VOPP1: variants seen among roughly 807,000 people sequenced by gnomAD.
VOPP1 encodes the protein WW domain binding protein VOPP1.
VOPP1 carries 8 observed loss-of-function variants against 23.5 expected under a neutral mutation model. The ratio of observed to expected loss-of-function variants is 0.34; its 90% CI spans 0.20 to 0.61. The LOEUF (loss-of-function observed/expected upper bound fraction) is 0.61. Ranked by LOEUF, VOPP1 falls within the 20% of genes least tolerant of loss-of-function variation. The pLI, the probability that VOPP1 is intolerant of heterozygous loss-of-function variation, is 0.78. For synonymous variants in VOPP1, 83 were observed against 97.3 expected (o/e 0.85, Z 0.86); for missense variants, 174 against 238.1 (o/e 0.73, Z 1.77).
chr7:55,533,703 G>C (rs1270667070), intron 1 of VOPP1, among the ~76,000 whole-genome samples: 1 of 152,190 alleles, frequency 6.6e-6, no homozygotes, highest in Admixed American at 6.5e-5. Flanking sequence ...AGGGAGACTA[G>C]CAAGGGAGGC....
intron 1 of VOPP1, among the ~76,000 whole-genome samples, chr7:55,554,597 G>A (rs1797739968): frequency 6.6e-6 from 1 of 152,190 alleles, no homozygotes; most frequent in Non-Finnish European, 1.5e-5. Flanking sequence ...AGGATGTAGG[G>A]ATGGTGAGGT....
chr7:55,454,234 C>T, intron 4 of VOPP1, among the ~76,000 whole-genome samples: 1 of 152,128 alleles, frequency 6.6e-6, no homozygotes, highest in East Asian at 1.9e-4. Context: ...ATACACCCTC[C>T]CAAGACTAAA....
chr7:55,509,221 C>A (rs1005780731), intron 2 of VOPP1, among the ~76,000 whole-genome samples: 1 of 152,160 alleles, frequency 6.6e-6, no homozygotes, highest in African/African-American at 2.4e-5. Flanking sequence ...ACTTTCTCAG[C>A]TCTATTTTTA....
At chr7:55,497,746 G>A in intron 2 of VOPP1, 56 bp from the exon 3 acceptor site, 11 of 1,507,708 alleles carry the variant, frequency 7.3e-6, no homozygotes, top group Non-Finnish European at 1.0e-5. Context: ...CACCGGACCA[G>A]CCATGCGGCC....
chr7:55,553,464 T>C (rs1328729995), intron 1 of VOPP1, among the ~76,000 whole-genome samples: 5 of 152,166 alleles, frequency 3.3e-5, no homozygotes, highest in Admixed American at 6.5e-5. Flanking sequence ...TAAACTCCAA[T>C]TCATTTACCA....
intron 4 of VOPP1, among the ~76,000 whole-genome samples, chr7:55,486,484 G>T (rs144600634): frequency 4.6e-5 from 7 of 152,152 alleles, no homozygotes; most frequent in African/African-American, 7.2e-5. Context: ...GAGAAGTGCC[G>T]CGTAAGAATA....
chr7:55,541,207 T>C (rs1334891121), intron 1 of VOPP1, among the ~76,000 whole-genome samples: 1 of 152,234 alleles, frequency 6.6e-6, no homozygotes, highest in Non-Finnish European at 1.5e-5. Flanking sequence ...TCTGTGAATA[T>C]ATGAAAAACT....
intron 1 of VOPP1, among the ~76,000 whole-genome samples, chr7:55,559,706 CCA>C (rs1797920703): frequency 6.6e-6 from 1 of 152,182 alleles, no homozygotes; most frequent in Non-Finnish European, 1.5e-5. Flanking sequence ...CTGAGTCATT[CCA>C]CCAAGAACTC....
downstream of VOPP1, among the ~76,000 whole-genome samples, chr7:55,470,429 C>A (rs1360241478): frequency 6.6e-6 from 1 of 152,106 alleles, no homozygotes; most frequent in African/African-American, 2.4e-5. Flanking sequence ...CCACTGGGGA[C>A]AATTGTCTCC....
chr7:55,510,072 G>A (rs1431353120), intron 2 of VOPP1, among the ~76,000 whole-genome samples: 1 of 152,162 alleles, frequency 6.6e-6, no homozygotes, highest in Non-Finnish European at 1.5e-5. Context: ...AGATGAACTG[G>A]GGAGGAAGAG....
chr7:55,451,264 TAA>T (rs1478224407), intron 4 of VOPP1, among the ~76,000 whole-genome samples: 1 of 152,070 alleles, frequency 6.6e-6, no homozygotes, highest in Non-Finnish European at 1.5e-5. Context: ...AACATTACAA[TAA>T]AAAGTTATGG....
At chr7:55,524,477 A>T (rs1021854513) in intron 1 of VOPP1, among the ~76,000 whole-genome samples, 2 of 152,204 alleles carry the variant, frequency 1.3e-5, no homozygotes, top group African/African-American at 2.4e-5. Flanking sequence ...GGACTTTTGT[A>T]GCAGCTTTCT....
intron 3 of VOPP1, among the ~76,000 whole-genome samples, chr7:55,495,377 T>C (rs207467913): frequency 6.6e-6 from 1 of 152,262 alleles, no homozygotes; most frequent in Non-Finnish European, 1.5e-5. Flanking sequence ...CCTTCAAACG[T>C]TGTGGGGCCC....
chr7:55,497,570 G>A lies in VOPP1; in HGVS notation c.191+43C>T, dbSNP rs747399146. On this transcript the variant is annotated intron_variant, in intron 3 of 4. Transcript: ENST00000285279. ...CAACACTGATGGGGGGGGGGGGGGG[G>A]CAGAGCTCTCGGGGTAGGGAACAAG... is the stretch of plus-strand genomic sequence containing the variant. 1.2e-4 allele frequency: 145 copies of A among 1,220,568 alleles called. 1 individual carries two copies. In the African/African-American group the frequency reaches 2.0e-3, roughly 16 times the overall value. 75.6% of individuals were successfully genotyped at this position (1,220,568 alleles called of 1,614,324 possible).
At chr7:55,492,443 T>A (rs947786745) in intron 3 of VOPP1, 25 bp from the exon 4 acceptor site, 9 of 1,590,698 alleles carry the variant, frequency 5.7e-6, no homozygotes, top group South Asian at 2.3e-5. Context: ...GACGTGAGGG[T>A]GGTGCTCCCA....
intron 4 of VOPP1, among the ~76,000 whole-genome samples, chr7:55,457,164 C>G (rs1791387367): frequency 2.0e-5 from 3 of 152,094 alleles, no homozygotes. Flanking sequence ...TTTTTTAGCT[C>G]CCATATATTG....
intron 4 of VOPP1, among the ~76,000 whole-genome samples, chr7:55,441,599 T>C (rs1204351771): frequency 1.4e-5 from 2 of 147,304 alleles, no homozygotes; most frequent in East Asian, 3.9e-4. Context: ...CATGCCACTT[T>C]TAGATTAAAT....
At position 55,472,766 on chromosome 7, in the gene VOPP1, G is replaced by A. The variant is rs569210124; in HGVS notation, c.*89C>T. 7.0e-5 allele frequency: 45 copies of A among 638,872 alleles called. No individual in the cohort carries two copies. Among genetic ancestry groups the A allele is most frequent in the Middle Eastern group, 4.2e-4 (1 of 2,370 alleles). 39.6% of individuals were successfully genotyped at this position (638,872 alleles called of 1,614,324 possible). The stretch of plus-strand genomic sequence containing the variant: ...AGAGGAACTGCCCTTAGCAGCCCAC[G>A]AGACCGTTCCTGGAAGTGAACATCA... On this transcript the variant is annotated 3_prime_UTR_variant, in exon 5 of 5. Coordinates refer to ENST00000285279, the MANE Select transcript of VOPP1 (RefSeq NM_030796.5).
At chr7:55,568,932 G>A (rs1000158717) in intron 1 of VOPP1, among the ~76,000 whole-genome samples, 2 of 152,246 alleles carry the variant, frequency 1.3e-5, no homozygotes, top group South Asian at 2.1e-4. Context: ...CCAGCTGGCG[G>A]AACAAAGGCA....
Sources: gnomAD v4.1 joint callset for allele counts (sites outside exome capture counted in the v4.1 genomes callset) on GRCh38, gnomAD v4.1.1 for gene constraint, MANE v1.5 for transcripts, NCBI Gene and HGNC (gene_info 2026-07-23, HGNC 2026-07-21) for gene names.